Variants in CFAP54 observed in about 807,000 individuals in gnomAD.
The protein encoded by CFAP54 is cilia- and flagella-associated protein 54.
CFAP54 carries 290 observed loss-of-function variants against 370.4 expected under a neutral mutation model. The ratio of observed to expected loss-of-function variants is 0.78; its 90% confidence interval spans 0.71 to 0.86. The LOEUF (loss-of-function observed/expected upper bound fraction) is 0.86, where lower values mean the gene tolerates loss of function less well. Ranked by LOEUF, CFAP54 falls within the 40% of genes least tolerant of loss-of-function variation. The pLI is 0.00. For synonymous variants in CFAP54, 1,206 were observed against 1,236.5 expected (o/e 0.98, Z 0.52); for missense variants, 3,399 against 3,528.7 (o/e 0.96, Z 0.93).
chr12:96,631,417 A>G (rs993538799), intron 32 of CFAP54, among the ~76,000 whole-genome samples: 2 of 151,832 alleles, frequency 1.3e-5, no homozygotes, highest in African/African-American at 2.4e-5. Context: ...TCATATGTCA[A>G]CCACATATGT....
rs10631171 is a variant in CFAP54, at chr12:96,654,832, A to ATTTTTTTTTTTTTTTTTTTTTT, written c.5100+3033_5101-3033insTTTTTTTTTTTTTTTTTTTTTT. ...TTTTGTGTCTGGCTCATTTCACTTA[A>ATTTTTTTTTTTTTTTTTTTTTT]TTTTTTTTTTTTTTTTAAGAAATGA... On this transcript the variant is annotated intron_variant, in intron 36 of 67. Transcript: ENST00000524981. Among the ~76,000 whole-genome samples, 110 of 132,076 alleles carry ATTTTTTTTTTTTTTTTTTTTTT rather than the reference A, an allele frequency of 8.3e-4. 1 individual carries two copies. The highest frequency in any genetic ancestry group is 1.3e-3 in the Non-Finnish European group (83 of 61,734). The allele number at this position is 132,076 out of a possible 152,430, so 86.6% of individuals were successfully genotyped here.
At chr12:96,632,937 G>T (rs537477312) in intron 32 of CFAP54, among the ~76,000 whole-genome samples, 1 of 151,720 alleles carries the variant, frequency 6.6e-6, no homozygotes, top group African/African-American at 2.4e-5. Flanking sequence ...CTCCATAACC[G>T]CGTTATATAT....
At chr12:96,805,162 C>A (rs1425725802) in intron 63 of CFAP54, among the ~76,000 whole-genome samples, 7 of 151,940 alleles carry the variant, frequency 4.6e-5, no homozygotes, top group Admixed American at 3.9e-4. Context: ...CTAAAAAATT[C>A]TCCTGGACAT....
chr12:96,842,595 G>T (rs1959231038), intron 66 of CFAP54, among the ~76,000 whole-genome samples: 1 of 151,624 alleles, frequency 6.6e-6, no homozygotes, highest in South Asian at 2.1e-4. Context: ...TCCTTTTGAT[G>T]AACAAAAAAA....
At chr12:96,607,914 A>G (rs569715858) in intron 26 of CFAP54, among the ~76,000 whole-genome samples, 1 of 152,258 alleles carries the variant, frequency 6.6e-6, no homozygotes, top group Non-Finnish European at 1.5e-5. Context: ...ATCATTCGTC[A>G]GGGCAAAATA....
chr12:96,718,197 G>T (rs1156731993), intron 48 of CFAP54, among the ~76,000 whole-genome samples: 1 of 151,740 alleles, frequency 6.6e-6, no homozygotes, highest in Non-Finnish European at 1.5e-5. Context: ...CATCTCTACA[G>T]AAAATACAAA....
At chr12:96,560,662 C>T (rs1027474985) in intron 17 of CFAP54, among the ~76,000 whole-genome samples, 3 of 152,090 alleles carry the variant, frequency 2.0e-5, no homozygotes, top group Admixed American at 6.6e-5. Flanking sequence ...TTGCATGCAT[C>T]GGCTATTTGT....
intron 36 of CFAP54, among the ~76,000 whole-genome samples, chr12:96,654,831 A>ATTTTTTTTTT (rs1592690553): frequency 1.4e-5 from 1 of 70,068 alleles, no homozygotes; most frequent in Admixed American, 1.7e-4. Context: ...CATTTCACTT[A>ATTTTTTTTTT]ATTTTTTTTT....
chr12:96,559,082 G>T (rs1955787988), intron 17 of CFAP54, among the ~76,000 whole-genome samples: 1 of 152,032 alleles, frequency 6.6e-6, no homozygotes, highest in South Asian at 2.1e-4. Context: ...TGAGCGTGGT[G>T]GTGCATGCCT....
intron 50 of CFAP54, among the ~76,000 whole-genome samples, chr12:96,725,158 G>A (rs1174086266): frequency 6.6e-6 from 1 of 151,936 alleles, no homozygotes; most frequent in African/African-American, 2.4e-5. Flanking sequence ...TGGCGATGCG[G>A]GCTCTTTTTT....
intron 48 of CFAP54, among the ~76,000 whole-genome samples, chr12:96,715,747 G>A (rs1311299007): frequency 6.6e-6 from 1 of 151,944 alleles, no homozygotes; most frequent in Non-Finnish European, 1.5e-5. Context: ...GGCACTTTTG[G>A]CTTTTTCATT....
At chr12:96,650,147 T>A in intron 35 of CFAP54, 75 bp downstream of exon 35, 1 of 1,246,576 alleles carries the variant, frequency 8.0e-7, no homozygotes, top group Non-Finnish European at 1.1e-6. Context: ...TAAGATACAT[T>A]GTGTTTATTT....
At chr12:96,723,270 G>A (rs535932390) in intron 50 of CFAP54, among the ~76,000 whole-genome samples, 115 of 152,260 alleles carry the variant, frequency 7.6e-4, no homozygotes, top group African/African-American at 1.8e-3. Context: ...GATGAGCTCC[G>A]TTAGGGGGTA....
chr12:96,684,990 T>C, intron 41 of CFAP54, 39 bp from the exon 42 acceptor site: 1 of 1,590,534 alleles, frequency 6.3e-7, no homozygotes, highest in Non-Finnish European at 8.6e-7. Context: ...ATAATGGGTC[T>C]CAGAAAACTT....
In CFAP54 at chr12:96,742,436, T is replaced by C. The variant is rs770997913; in HGVS notation, c.7072-3T>C. The C allele has an allele frequency of 6.4e-7, 1 of 1,551,468 alleles. No homozygotes were observed. Among genetic ancestry groups the C allele is most frequent in the South Asian group, 1.1e-5 (1 of 89,336 alleles). Reference sequence around the variant, plus strand: ...AGATAACCATCATTTTAATATTGTTTAGGTCACTGAAAATAAAGATGACAG... The same window carrying C: ...AGATAACCATCATTTTAATATTGTTCAGGTCACTGAAAATAAAGATGACAG... On this transcript the variant is annotated splice_polypyrimidine_tract_variant and splice_region_variant and intron_variant, in intron 51 of 67. Coordinates refer to ENST00000524981, the MANE Select transcript of CFAP54 (RefSeq NM_001306084.2).
chr12:96,633,027 A>G (rs1592896014), intron 32 of CFAP54, among the ~76,000 whole-genome samples: 1 of 152,068 alleles, frequency 6.6e-6, no homozygotes, highest in East Asian at 1.9e-4. Flanking sequence ...GAATTTTTCT[A>G]TTCTTTGTAT....
chr12:96,501,873 T>C (rs1955031699), intron 2 of CFAP54, among the ~76,000 whole-genome samples: 1 of 152,222 alleles, frequency 6.6e-6, no homozygotes, highest in Non-Finnish European at 1.5e-5. Context: ...AAATGGACCA[T>C]GGGTCTTAGA....
At chr12:96,674,330 G>GTTT (rs1401709146) in intron 39 of CFAP54, among the ~76,000 whole-genome samples, 1 of 79,400 alleles carries the variant, frequency 1.3e-5, no homozygotes, top group Non-Finnish European at 2.4e-5. Flanking sequence ...AAGACACAAT[G>GTTT]TTTTTCTTTT....
chr12:96,827,771 T>TATTTA (rs1959135823), intron 65 of CFAP54, among the ~76,000 whole-genome samples: 23 of 116,788 alleles, frequency 2.0e-4, no homozygotes, highest in African/African-American at 4.9e-4. Context: ...TATTATATTA[T>TATTTA]ATATAGTTAT....
Sources: gnomAD v4.1 joint callset for allele counts (sites outside exome capture counted in the v4.1 genomes callset) on GRCh38, gnomAD v4.1.1 for gene constraint, MANE v1.5 for transcripts, NCBI Gene and HGNC (gene_info 2026-07-23, HGNC 2026-07-21) for gene names.